RAB2A: variants seen among roughly 807,000 people sequenced by gnomAD.
RAB2A encodes the protein ras-related protein Rab-2A.
RAB2A carries 7 observed loss-of-function variants against 32.5 expected under a neutral mutation model. The ratio of observed to expected loss-of-function variants is 0.22; its 90% CI spans 0.12 to 0.40. The LOEUF (loss-of-function observed/expected upper bound fraction) is 0.40. Ranked by LOEUF, RAB2A falls within the 10% of genes least tolerant of loss-of-function variation. RAB2A has a pLI of 1.00. For missense variants in RAB2A, 108 were observed against 260.7 expected (o/e 0.41, Z 4.03); for synonymous variants, 79 against 85.2 (o/e 0.93, Z 0.40).
At chr8:60,608,012 C>T (rs1347262500) in intron 6 of RAB2A, among the ~76,000 whole-genome samples, 1 of 152,206 alleles carries the variant, frequency 6.6e-6, no homozygotes, top group African/African-American at 2.4e-5. Context: ...CTTTTTCTCA[C>T]CTGTCTTCAT....
chr8:60,570,150 C>T, intron 2 of RAB2A: 1 of 418,766 alleles, frequency 2.4e-6, no homozygotes, highest in Admixed American at 2.6e-5. Context: ...TCCTTACCTG[C>T]TCACCCTTGG....
intron 5 of RAB2A, among the ~76,000 whole-genome samples, chr8:60,588,061 C>A (rs1803877969): frequency 6.6e-6 from 1 of 152,116 alleles, no homozygotes; most frequent in East Asian, 1.9e-4. Context: ...TTGCTTCAGC[C>A]TAGGAGTTTG....
intron 1 of RAB2A, among the ~76,000 whole-genome samples, chr8:60,549,045 G>T (rs1453264644): frequency 1.3e-5 from 2 of 151,170 alleles, no homozygotes; most frequent in Non-Finnish European, 3.0e-5. Context: ...GACGATGGGC[G>T]GCCGGGCAGA....
chr8:60,520,664 C>T (rs571149110), intron 1 of RAB2A, among the ~76,000 whole-genome samples: 51 of 152,264 alleles, frequency 3.3e-4, no homozygotes, highest in Middle Eastern at 3.4e-3. Context: ...TTAACAAATC[C>T]TACCACTCCC....
At chr8:60,567,998 A>G (rs901791098) in intron 2 of RAB2A, among the ~76,000 whole-genome samples, 4 of 152,228 alleles carry the variant, frequency 2.6e-5, no homozygotes, top group Non-Finnish European at 5.9e-5. Context: ...TTTGTTTTAC[A>G]TAGAAAATTG....
At chr8:60,589,135 T>TA (rs1210076817) in intron 5 of RAB2A, among the ~76,000 whole-genome samples, 6 of 152,166 alleles carry the variant, frequency 3.9e-5, no homozygotes, top group Non-Finnish European at 7.4e-5. Flanking sequence ...ACTTGGAAAA[T>TA]AAAGAGAATT....
At chr8:60,532,441 A>C (rs1816110460) in intron 1 of RAB2A, among the ~76,000 whole-genome samples, 1 of 152,182 alleles carries the variant, frequency 6.6e-6, no homozygotes, top group Admixed American at 6.5e-5. Flanking sequence ...CTCTATGTAA[A>C]GGTATTTGTT....
At chr8:60,537,470 G>A (rs748155084) in intron 1 of RAB2A, among the ~76,000 whole-genome samples, 26 of 152,146 alleles carry the variant, frequency 1.7e-4, no homozygotes, top group African/African-American at 3.6e-4. Context: ...TAATCCACCC[G>A]CCTCGACCTT....
At chr8:60,596,829 G>A (rs1804037475) in intron 6 of RAB2A, among the ~76,000 whole-genome samples, 1 of 152,134 alleles carries the variant, frequency 6.6e-6, no homozygotes, top group Non-Finnish European at 1.5e-5. Flanking sequence ...GCTGAGGCAG[G>A]AGAATGGCAT....
At chr8:60,576,073 C>A (rs377491394) in intron 3 of RAB2A, among the ~76,000 whole-genome samples, 10 of 152,314 alleles carry the variant, frequency 6.6e-5, no homozygotes, top group African/African-American at 2.4e-4. Context: ...AGCAGATACT[C>A]CTTGGAGGCA....
intron 2 of RAB2A, among the ~76,000 whole-genome samples, chr8:60,566,719 C>T (rs143768198): frequency 2.7e-3 from 416 of 152,240 alleles, no homozygotes; most frequent in Non-Finnish European, 4.2e-3. Context: ...AAATAGTGAA[C>T]GTGGTTCTCA....
intron 1 of RAB2A, 50 bp from the exon 2 acceptor site, chr8:60,558,802 T>C: frequency 6.8e-7 from 1 of 1,469,724 alleles, no homozygotes; most frequent in South Asian, 1.1e-5. Context: ...TTGTAAAGCA[T>C]CTTAATTTCT....
At chr8:60,565,906 G>T (rs541615719) in intron 2 of RAB2A, among the ~76,000 whole-genome samples, 3 of 151,384 alleles carry the variant, frequency 2.0e-5, no homozygotes, top group Non-Finnish European at 4.4e-5. Flanking sequence ...GTAGAGATGG[G>T]GTTTCACTAT....
At chr8:60,551,035 C>T (rs1164806136) in intron 1 of RAB2A, among the ~76,000 whole-genome samples, 2 of 152,162 alleles carry the variant, frequency 1.3e-5, no homozygotes, top group Non-Finnish European at 2.9e-5. Flanking sequence ...ATTTCCTCAC[C>T]TCCTTTAAAC....
At chr8:60,583,882 A>C (rs1467568708) in intron 3 of RAB2A, among the ~76,000 whole-genome samples, 1 of 152,166 alleles carries the variant, frequency 6.6e-6, no homozygotes, top group Non-Finnish European at 1.5e-5. Context: ...CTAGGAGTCC[A>C]TTCTGTCCTT....
At chr8:60,603,772 G>T (rs769442612) in intron 6 of RAB2A, among the ~76,000 whole-genome samples, 4 of 152,082 alleles carry the variant, frequency 2.6e-5, no homozygotes, top group African/African-American at 9.7e-5. Context: ...TGTAATCCTG[G>T]TATTTTGGGA....
At chr8:60,571,369 T>C (rs770921035) in intron 2 of RAB2A, among the ~76,000 whole-genome samples, 3 of 152,206 alleles carry the variant, frequency 2.0e-5, no homozygotes, top group Non-Finnish European at 4.4e-5. Flanking sequence ...AAGAATATTA[T>C]GCAGACATCA....
intron 1 of RAB2A, among the ~76,000 whole-genome samples, chr8:60,541,675 A>T (rs552554641): frequency 6.6e-6 from 1 of 152,224 alleles, no homozygotes; most frequent in Non-Finnish European, 1.5e-5. Context: ...GGCGACGAGC[A>T]CAACTCCATT....
chr8:60,602,328 T>C (rs191306240), intron 6 of RAB2A, among the ~76,000 whole-genome samples: 2 of 152,352 alleles, frequency 1.3e-5, no homozygotes, highest in Admixed American at 6.5e-5. Flanking sequence ...TTTTTACCTA[T>C]AAATATTTCG....
Sources: gnomAD v4.1 joint callset for allele counts (sites outside exome capture counted in the v4.1 genomes callset) on GRCh38, gnomAD v4.1.1 for gene constraint, MANE v1.5 for transcripts, NCBI Gene and HGNC (gene_info 2026-07-23, HGNC 2026-07-21) for gene names.